Variants in MPDZ observed in about 807,000 individuals in gnomAD.
MPDZ encodes the protein multiple PDZ domain protein.
MPDZ carries 234 observed loss-of-function variants against 239.1 expected under a neutral mutation model. The ratio of observed to expected loss-of-function variants is 0.98; its 90% CI spans 0.88 to 1.09. The LOEUF (loss-of-function observed/expected upper bound fraction) is 1.09. MPDZ is among the 50% of genes least tolerant of loss of function. The pLI is 0.00. For missense variants in MPDZ, 3,175 were observed against 2,510.0 expected (o/e 1.26, Z -5.66); for synonymous variants, 1,048 against 881.3 (o/e 1.19, Z -3.35).
rs199904060 is a variant in MPDZ, at chr9:13,113,159, CT to C, written c.5558-106del. 8.3e-3 allele frequency: 8,749 copies of C among 1,056,138 alleles called. 67 individuals are homozygous for C. The highest frequency in any genetic ancestry group is 0.013 in the Middle Eastern group (52 of 3,888). 65.4% of individuals were successfully genotyped at this position (1,056,138 alleles called of 1,614,324 possible). ...TGGGACTAAATGATAACCTAGGTTT[CT>C]TTTTTTAAGGGGGTGCTCAAAGCTG... On this transcript the variant is annotated intron_variant, in intron 41 of 46. Transcript: ENST00000319217.
chr9:13,203,743 C>G (rs995927907), intron 12 of MPDZ, among the ~76,000 whole-genome samples: 2 of 150,392 alleles, frequency 1.3e-5, no homozygotes, highest in Admixed American at 1.3e-4. Flanking sequence ...CACACACACA[C>G]ACACACACAC....
At chr9:13,135,815 T>C in intron 31 of MPDZ, 1 of 244,888 alleles carries the variant, frequency 4.1e-6, no homozygotes, top group Non-Finnish European at 7.8e-6. Flanking sequence ...TAACCTTCCA[T>C]ATAAAGTTTT....
In MPDZ at chr9:13,247,650, C is replaced by G. The variant is rs374408735; in HGVS notation, c.168G>C (p.Gln56His). 1 of 1,611,304 alleles carries G rather than the reference C, an allele frequency of 6.2e-7. No homozygotes were observed. The highest frequency in any genetic ancestry group is 1.3e-5 in the African/African-American group (1 of 74,896). ...GATGTCCTACCTGGTCTTTCAGCTG[C>G]TGTACAGAAGTCTGAAGGCTCAGAA... ...SQILSLQTSV[Q>H]QLKDQVNIAT... Residue 56 changes from glutamine to histidine, a missense_variant, in exon 3 of 47, where the codon CAG (glutamine) becomes CAC (histidine). Coordinates refer to ENST00000319217, the MANE Select transcript of MPDZ (RefSeq NM_001378778.1).
At chr9:13,128,511 C>G (rs971012968) in intron 32 of MPDZ, among the ~76,000 whole-genome samples, 1 of 152,178 alleles carries the variant, frequency 6.6e-6, no homozygotes, top group South Asian at 2.1e-4. Flanking sequence ...AGATTCTCAG[C>G]AGAACCCCCA....
chr9:13,154,631 T>C (rs375017940), intron 24 of MPDZ, among the ~76,000 whole-genome samples: 1 of 152,126 alleles, frequency 6.6e-6, no homozygotes, highest in African/African-American at 2.4e-5. Context: ...TAATAAGCAA[T>C]TGATAAATCT....
At position 13,197,200 on chromosome 9, in the gene MPDZ, C is replaced by T. The variant is rs554972740; in HGVS notation, c.1547-970G>A. 3.4e-3 allele frequency among the ~76,000 whole-genome samples: 516 copies of T among 151,724 alleles called. 2 individuals carry two copies. The highest frequency in any genetic ancestry group is 0.012 in the African/African-American group (487 of 41,448). ...ATTTTTAGTTTGAAGACTAGCCTCCCCAAATAAGTGTTACTTCCTCAAAAT... is the reference window on the plus strand; with the variant it reads ...ATTTTTAGTTTGAAGACTAGCCTCCTCAAATAAGTGTTACTTCCTCAAAAT... On this transcript the variant is annotated intron_variant, in intron 12 of 46. Transcript: ENST00000319217.
chr9:13,138,164 C>A lies in MPDZ; in HGVS notation c.4004-11G>T. The A allele has an allele frequency of 1.3e-6, 2 of 1,551,668 alleles. No homozygotes were observed. The highest frequency in any genetic ancestry group is 1.7e-6 in the Non-Finnish European group (2 of 1,149,738). On this transcript the variant is annotated splice_polypyrimidine_tract_variant and intron_variant, in intron 28 of 46. Coordinates refer to ENST00000319217, the MANE Select transcript of MPDZ (RefSeq NM_001378778.1). ...GCTCTCTGATATTTTCTACATACAACAACAACAACAAATACATATTTACAG... is the reference window on the plus strand; with the variant it reads ...GCTCTCTGATATTTTCTACATACAAAAACAACAACAAATACATATTTACAG...
chr9:13,253,096 A>G (rs1227352622), intron 1 of MPDZ, among the ~76,000 whole-genome samples: 1 of 152,146 alleles, frequency 6.6e-6, no homozygotes, highest in Non-Finnish European at 1.5e-5. Flanking sequence ...GATTTATGAG[A>G]AGTCTGCAGA....
intron 32 of MPDZ, among the ~76,000 whole-genome samples, chr9:13,128,942 T>C (rs1945512912): frequency 6.6e-6 from 1 of 152,158 alleles, no homozygotes; most frequent in Non-Finnish European, 1.5e-5. Flanking sequence ...GATGACACTG[T>C]TCAGTCACAG....
At chr9:13,130,014 C>A (rs1056866927) in intron 32 of MPDZ, among the ~76,000 whole-genome samples, 2 of 152,190 alleles carry the variant, frequency 1.3e-5, no homozygotes, top group South Asian at 4.1e-4. Flanking sequence ...AACTCTTCAT[C>A]ATATTTCAAG....
At chr9:13,124,721 TAA>T (rs1314608636) in intron 35 of MPDZ, among the ~76,000 whole-genome samples, 1 of 152,158 alleles carries the variant, frequency 6.6e-6, no homozygotes, top group African/African-American at 2.4e-5. Flanking sequence ...TGGCAATGAC[TAA>T]AGAGTTTCTT....
chr9:13,256,344 A>T (rs1484409269), intron 1 of MPDZ, among the ~76,000 whole-genome samples: 1 of 152,158 alleles, frequency 6.6e-6, no homozygotes, highest in Non-Finnish European at 1.5e-5. Flanking sequence ...GTCACTGGAG[A>T]AGCTATTTTA....
At chr9:13,242,215 C>CTTTTTTTT (rs145555644) in intron 3 of MPDZ, among the ~76,000 whole-genome samples, 2 of 50,792 alleles carry the variant, frequency 3.9e-5, no homozygotes, top group African/African-American at 8.3e-5. Flanking sequence ...TGTTAGGATG[C>CTTTTTTTT]TTTTTTTTTT....
chr9:13,207,223 C>T (rs1957103560), intron 10 of MPDZ, among the ~76,000 whole-genome samples: 1 of 152,118 alleles, frequency 6.6e-6, no homozygotes, highest in African/African-American at 2.4e-5. Flanking sequence ...AATGACAAAA[C>T]ATTCAAAAAT....
chr9:13,214,536 G>A (rs760717519), intron 10 of MPDZ, among the ~76,000 whole-genome samples: 4 of 151,950 alleles, frequency 2.6e-5, no homozygotes, highest in African/African-American at 7.2e-5. Context: ...AAAAGCTACT[G>A]TACTGTACAT....
At chr9:13,242,562 A>G (rs1304130653) in intron 3 of MPDZ, among the ~76,000 whole-genome samples, 3 of 148,772 alleles carry the variant, frequency 2.0e-5, no homozygotes, top group Non-Finnish European at 3.0e-5. Flanking sequence ...TTGCTAAAAT[A>G]ATGTACATAC....
chr9:13,177,541 C>G (rs1952662819), intron 19 of MPDZ, among the ~76,000 whole-genome samples: 1 of 152,078 alleles, frequency 6.6e-6, no homozygotes, highest in Non-Finnish European at 1.5e-5. Flanking sequence ...ATAAATAGCA[C>G]TTTTACTTTT....
At chr9:13,162,400 A>G (rs1276912580) in intron 23 of MPDZ, among the ~76,000 whole-genome samples, 3 of 152,100 alleles carry the variant, frequency 2.0e-5, no homozygotes, top group African/African-American at 7.2e-5. Flanking sequence ...AATTAATGGA[A>G]TAATACTCAT....
chr9:13,125,380 A>T lies in MPDZ; in HGVS notation c.4643T>A (p.Leu1548His). ...TACTGTCATCTTTGCTGTCTTCAGAAGGCTAATAAACTGGCAGGGTGTATG... is the reference window on the plus strand; with the variant it reads ...TACTGTCATCTTTGCTGTCTTCAGATGGCTAATAAACTGGCAGGGTGTATG... ...VGYPIEKFISLLKTAKMTVKL... is the reference protein window; with the variant it reads ...VGYPIEKFISHLKTAKMTVKL... The change falls in exon 35 of 47, where the codon CTT (leucine) becomes CAT (histidine). Residue 1548 changes from leucine to histidine, a missense_variant. Transcript: ENST00000319217. The T allele has an allele frequency of 6.2e-7, 1 of 1,613,550 alleles. No homozygotes were observed. The highest frequency in any genetic ancestry group is 8.5e-7 in the Non-Finnish European group (1 of 1,179,538).
Sources: allele counts gnomAD v4.1 joint callset (sites outside exome capture counted in the v4.1 genomes callset), GRCh38; gene constraint gnomAD v4.1.1; transcripts MANE v1.5; gene names NCBI Gene and HGNC (gene_info 2026-07-23, HGNC 2026-07-21).